Variants in TMEFF2 observed in about 807,000 individuals in gnomAD.
TMEFF2 encodes the protein transmembrane protein with EGF like and two follistatin like domains 2, also known as tomoregulin-2.
A neutral mutation model predicts 53.8 loss-of-function variants in TMEFF2; 28 were observed. The ratio of observed to expected loss-of-function variants is 0.52; its 90% confidence interval spans 0.39 to 0.71. TMEFF2 has a LOEUF of 0.71. TMEFF2 is among the 30% of genes least tolerant of loss of function. The pLI, the probability that TMEFF2 is intolerant of heterozygous loss-of-function variation, is 0.00. For synonymous variants in TMEFF2, 162 were observed against 166.3 expected (o/e 0.97, Z 0.20); for missense variants, 353 against 455.2 (o/e 0.78, Z 2.04).
chr2:192,057,827 T>G (rs1458369220), intron 4 of TMEFF2, 52 bp from the exon 5 acceptor site: 4 of 1,392,728 alleles, frequency 2.9e-6, no homozygotes, highest in Non-Finnish European at 4.1e-6. Flanking sequence ...GCATTATATC[T>G]ACAACTCCAG....
intron 7 of TMEFF2, among the ~76,000 whole-genome samples, chr2:191,990,894 AT>A (rs1343350638): frequency 6.6e-6 from 1 of 152,036 alleles, no homozygotes; most frequent in African/African-American, 2.4e-5. Flanking sequence ...AATAATGAAT[AT>A]TTAGGTCCTC....
chr2:192,164,614 G>T (rs957550279), intron 4 of TMEFF2, among the ~76,000 whole-genome samples: 6 of 151,904 alleles, frequency 3.9e-5, no homozygotes, highest in African/African-American at 1.5e-4. Flanking sequence ...TGCAATCCCA[G>T]CTACTCAGGA....
intron 4 of TMEFF2, among the ~76,000 whole-genome samples, chr2:192,076,729 G>A (rs981831299): frequency 1.3e-5 from 2 of 152,152 alleles, no homozygotes; most frequent in Admixed American, 1.3e-4. Context: ...ATTGAAGGAA[G>A]CAATTTTGTA....
At chr2:191,973,880 C>T (rs1336173184) in intron 7 of TMEFF2, among the ~76,000 whole-genome samples, 2 of 152,150 alleles carry the variant, frequency 1.3e-5, no homozygotes, top group Admixed American at 1.3e-4. Context: ...TGCACTTCTC[C>T]TTGCTGTCAC....
intron 4 of TMEFF2, among the ~76,000 whole-genome samples, chr2:192,088,441 A>G (rs1003069112): frequency 1.3e-5 from 2 of 152,124 alleles, no homozygotes; most frequent in Admixed American, 1.3e-4. Flanking sequence ...GTGAATTTGC[A>G]AAGAGGGCCG....
At chr2:191,976,897 T>G (rs1685742879) in intron 7 of TMEFF2, among the ~76,000 whole-genome samples, 2 of 152,198 alleles carry the variant, frequency 1.3e-5, no homozygotes, top group South Asian at 4.1e-4. Context: ...TTGTTTTCCT[T>G]TTTTCCTATC....
intron 4 of TMEFF2, among the ~76,000 whole-genome samples, chr2:192,060,756 G>T (rs1391939390): frequency 6.6e-6 from 1 of 152,098 alleles, no homozygotes; most frequent in Non-Finnish European, 1.5e-5. Flanking sequence ...TTCATACACT[G>T]ATTAGGAATA....
chr2:192,078,343 ATAG>A (rs1037677910), intron 4 of TMEFF2, among the ~76,000 whole-genome samples: 17 of 152,192 alleles, frequency 1.1e-4, no homozygotes, highest in Non-Finnish European at 1.8e-4. Context: ...CTTTCAATAA[ATAG>A]TAGAAATTAT....
intron 4 of TMEFF2, among the ~76,000 whole-genome samples, chr2:192,131,541 A>G (rs1279106089): frequency 3.3e-5 from 5 of 151,768 alleles, no homozygotes; most frequent in Admixed American, 2.6e-4. Context: ...CTGTGCCCCA[A>G]TCCCTTATTT....
At chr2:192,087,300 TAATTC>T (rs1688689729) in intron 4 of TMEFF2, among the ~76,000 whole-genome samples, 1 of 152,092 alleles carries the variant, frequency 6.6e-6, no homozygotes, top group Non-Finnish European at 1.5e-5. Flanking sequence ...GCCTACAATT[TAATTC>T]AATACAGTGC....
At chr2:192,084,580 CCTTT>C (rs1334513339) in intron 4 of TMEFF2, among the ~76,000 whole-genome samples, 1 of 152,108 alleles carries the variant, frequency 6.6e-6, no homozygotes, top group Non-Finnish European at 1.5e-5. Context: ...TTTATTTTCA[CCTTT>C]CTACCTCTTC....
At chr2:192,138,333 T>C (rs1409599875) in intron 4 of TMEFF2, among the ~76,000 whole-genome samples, 1 of 152,210 alleles carries the variant, frequency 6.6e-6, no homozygotes, top group Non-Finnish European at 1.5e-5. Context: ...CCAACGTAAG[T>C]GGCTAAGGGA....
chr2:191,987,955 A>G (rs1414241791), intron 7 of TMEFF2, among the ~76,000 whole-genome samples: 1 of 152,196 alleles, frequency 6.6e-6, no homozygotes, highest in African/African-American at 2.4e-5. Flanking sequence ...GATAATCATG[A>G]GTATAATGAA....
At chr2:192,134,880 A>C (rs1164730560) in intron 4 of TMEFF2, among the ~76,000 whole-genome samples, 1 of 152,146 alleles carries the variant, frequency 6.6e-6, no homozygotes, top group East Asian at 1.9e-4. Context: ...TCAGGCTCTT[A>C]GTATTCAGTG....
chr2:192,133,341 C>G (rs1293736955), intron 4 of TMEFF2, among the ~76,000 whole-genome samples: 2 of 152,096 alleles, frequency 1.3e-5, no homozygotes, highest in Non-Finnish European at 2.9e-5. Context: ...TCCTTGGTGA[C>G]CGATCACGCA....
intron 4 of TMEFF2, among the ~76,000 whole-genome samples, chr2:192,074,530 T>G (rs1332502791): frequency 6.6e-6 from 1 of 151,924 alleles, no homozygotes. Context: ...ACAAAACAAG[T>G]CTTTTAAAAA....
At position 191,984,068 on chromosome 2, in the gene TMEFF2, A is replaced by T. The variant is rs149268128; in HGVS notation, c.745+14194T>A. 7.5e-4 allele frequency among the ~76,000 whole-genome samples: 114 copies of T among 152,248 alleles called. No individual in the cohort carries two copies. The East Asian group carries it at 0.019, about 26-fold the overall frequency. On this transcript the variant is annotated intron_variant, in intron 7 of 9. Transcript: ENST00000272771. ...TCCATCTGCTGAAAATATTATGTTA[A>T]TTAAAGGTAATATAAGCTATGGAGG...
intron 7 of TMEFF2, among the ~76,000 whole-genome samples, chr2:191,970,099 C>T (rs1692591673): frequency 6.6e-6 from 1 of 152,056 alleles, no homozygotes; most frequent in South Asian, 2.1e-4. Context: ...ATAATGCTGC[C>T]TAAAATAAAA....
In TMEFF2 at chr2:192,035,264, G is replaced by A. The variant is rs184063673; in HGVS notation, c.536+22415C>T. The stretch of plus-strand genomic sequence containing the variant: ...ACACTGCTAATTATGAAGTCAGAAA[G>A]AGGAAAGTTTGCAGAGTTTTGTATT... On this transcript the variant is annotated intron_variant, in intron 5 of 9. Transcript: ENST00000272771. 5.3e-4 allele frequency: 80 copies of A among 152,306 alleles called. 1 individual carries two copies. Among genetic ancestry groups the A allele is most frequent in the African/African-American group, 1.8e-3 (74 of 41,570 alleles). The allele number at this position is 152,306 out of a possible 1,614,324, so 9.4% of individuals were successfully genotyped here.
Sources: gnomAD v4.1 joint callset for allele counts (sites outside exome capture counted in the v4.1 genomes callset) on GRCh38, gnomAD v4.1.1 for gene constraint, MANE v1.5 for transcripts, NCBI Gene and HGNC (gene_info 2026-07-23, HGNC 2026-07-21) for gene names.